CELF2: variants seen among roughly 807,000 people sequenced by gnomAD.
CELF2 encodes CUG triplet repeat RNA-binding protein 2.
Under a neutral mutation model 62.6 loss-of-function variants are expected in CELF2, and 8 were observed. That is an observed-to-expected ratio of 0.13 (90% confidence interval 0.07 to 0.23). The LOEUF is 0.23. Among genes scored for constraint, CELF2 ranks in the 10% least tolerant of loss-of-function variants. The pLI is 1.00. For synonymous variants in CELF2, 258 were observed against 250.0 expected, an observed-to-expected ratio of 1.03 and a Z score of -0.30; for missense variants, 333 against 671.0, an observed-to-expected ratio of 0.50 and a Z score of 5.56.
At chr10:11,138,762 G>A (rs939347828) in intron 1 of CELF2, among the ~76,000 whole-genome samples, 15 of 152,206 alleles carry the variant, frequency 9.9e-5, no homozygotes, top group African/African-American at 3.1e-4. Context: ...TCTCTCGTGT[G>A]TGTTAAACAG....
rs1407187984 is a variant in CELF2, at chr10:10,936,301, C to A, written c.89+16302C>A. On this transcript the variant is annotated intron_variant, in intron 2 of 13. Transcript: ENST00000636488. This position sits in a 1 kb window ranked among gnomAD's most constrained non-coding sequence, Gnocchi z 4.0. ...TTAACATAAAGATTGTCCAAGATCA[C>A]AGAGTAATCTGCATAATTGTGCAAA... is the stretch of plus-strand genomic sequence containing the variant. Among the ~76,000 whole-genome samples the A allele has an allele frequency of 1.3e-5, 2 of 152,202 alleles. No homozygotes were observed. The highest frequency in any genetic ancestry group is 2.9e-5 in the Non-Finnish European group (2 of 68,028).
the CELF2 span, among the ~76,000 whole-genome samples, chr10:10,467,083 A>ACAC: frequency 6.6e-6 from 1 of 152,072 alleles, no homozygotes; most frequent in Non-Finnish European, 1.5e-5. Context: ...CCAACATACC[A>ACAC]CAATATACCA....
At chr10:10,655,731 T>G in the CELF2 span, among the ~76,000 whole-genome samples, 1 of 131,340 alleles carries the variant, frequency 7.6e-6, no homozygotes, top group Non-Finnish European at 1.7e-5. Context: ...TCAAGATGGA[T>G]TAAAGACTTA....
chr10:11,196,049 T>C (rs1404951269), intron 2 of CELF2, among the ~76,000 whole-genome samples: 6 of 147,470 alleles, frequency 4.1e-5, no homozygotes, highest in Admixed American at 4.0e-4. Context: ...AAAAAAAAAC[T>C]GGTCCCTTGA....
the CELF2 span, among the ~76,000 whole-genome samples, chr10:10,534,830 C>G: frequency 6.6e-6 from 1 of 152,170 alleles, no homozygotes; most frequent in Non-Finnish European, 1.5e-5. Context: ...AGCTTAATCC[C>G]TTTCCCTAGT....
chr10:11,322,024 G>A (rs2095468438), intron 11 of CELF2, among the ~76,000 whole-genome samples: 1 of 152,184 alleles, frequency 6.6e-6, no homozygotes, highest in Non-Finnish European at 1.5e-5. Flanking sequence ...GCTGCTGACT[G>A]TAAATAATTC....
chr10:10,671,871 A>G, the CELF2 span, among the ~76,000 whole-genome samples: 2 of 152,036 alleles, frequency 1.3e-5, no homozygotes, highest in African/African-American at 4.8e-5. Context: ...CTGGGATTAC[A>G]GGCATACGCT....
At chr10:11,174,200 G>A (rs2070105670) in intron 2 of CELF2, among the ~76,000 whole-genome samples, 1 of 152,174 alleles carries the variant, frequency 6.6e-6, no homozygotes, top group Non-Finnish European at 1.5e-5. Context: ...AAAGGCATGT[G>A]TGAGCTGGTG....
At chr10:10,807,783 T>C (rs2055387596) in intron 1 of CELF2, among the ~76,000 whole-genome samples, 1 of 152,174 alleles carries the variant, frequency 6.6e-6, no homozygotes, top group Non-Finnish European at 1.5e-5. Flanking sequence ...GTCCAATATA[T>C]TAAATAATTA....
chr10:10,710,690 T>C, the CELF2 span, among the ~76,000 whole-genome samples: 1 of 152,142 alleles, frequency 6.6e-6, no homozygotes. Flanking sequence ...TCAGGAGCAG[T>C]AAGGGTCCCA....
intron 1 of CELF2, among the ~76,000 whole-genome samples, chr10:11,080,224 T>TA (rs1349185775): frequency 6.6e-6 from 1 of 152,216 alleles, no homozygotes; most frequent in African/African-American, 2.4e-5. Context: ...TGAGGTCATG[T>TA]AAAAGATCCA....
the CELF2 span, among the ~76,000 whole-genome samples, chr10:10,592,666 C>T: frequency 1.3e-5 from 2 of 152,098 alleles, no homozygotes; most frequent in Non-Finnish European, 2.9e-5. Flanking sequence ...ATTTGGGGAG[C>T]CTTTCCCTTA....
At chr10:10,653,601 C>T in the CELF2 span, among the ~76,000 whole-genome samples, 39,217 of 114,112 alleles carry the variant, frequency 0.34, 6,304 homozygotes, top group South Asian at 0.57. Flanking sequence ...ACTGAACAAC[C>T]TGCTCCTGAA....
chr10:11,114,394 T>G (rs1005628335), intron 1 of CELF2, among the ~76,000 whole-genome samples: 3 of 152,204 alleles, frequency 2.0e-5, no homozygotes, highest in Non-Finnish European at 2.9e-5. Flanking sequence ...TAGCAGTAAA[T>G]ACATAACATA....
rs574010906 is a variant in CELF2 at position 10,990,028 on chromosome 10, A to G, written c.89+70029A>G. Among the ~76,000 whole-genome samples, 1 of 152,292 alleles carries G rather than the reference A, an allele frequency of 6.6e-6. No homozygotes were observed. The highest frequency in any genetic ancestry group is 2.1e-4 in the South Asian group (1 of 4,826). On this transcript the variant is annotated intron_variant, in intron 2 of 13. Transcript: ENST00000636488. This position sits in a 1 kb window ranked among gnomAD's most constrained non-coding sequence, Gnocchi z 4.6. ...ATGTCCATTGCAAATCTGCAAAGCA[A>G]TTTAGTAATTTATGTTAAGATGTAA... is the stretch of plus-strand genomic sequence containing the variant.
chr10:11,124,731 C>G (rs1461174214), intron 1 of CELF2, among the ~76,000 whole-genome samples: 1 of 152,130 alleles, frequency 6.6e-6, no homozygotes, highest in African/African-American at 2.4e-5. Context: ...GTGCCTGATC[C>G]CATGGAGCTT....
the CELF2 span, among the ~76,000 whole-genome samples, chr10:10,572,146 G>A: frequency 6.6e-6 from 1 of 152,060 alleles, no homozygotes; most frequent in African/African-American, 2.4e-5. Flanking sequence ...CTGCACTGCA[G>A]AATGGTTCTT....
chr10:10,783,744 T>C, the CELF2 span, among the ~76,000 whole-genome samples: 1 of 152,120 alleles, frequency 6.6e-6, no homozygotes, highest in Non-Finnish European at 1.5e-5. Flanking sequence ...CCCAGCACTT[T>C]GGGAGGCCAA....
At chr10:11,127,027 C>T (rs781042205) in intron 1 of CELF2, among the ~76,000 whole-genome samples, 18 of 152,000 alleles carry the variant, frequency 1.2e-4, no homozygotes, top group Non-Finnish European at 2.6e-4. Flanking sequence ...GGTATTTCTC[C>T]TAATGCTATC....
Sources: allele counts gnomAD v4.1 joint callset (sites outside exome capture counted in the v4.1 genomes callset), GRCh38; gene constraint gnomAD v4.1.1; non-coding constraint Gnocchi (gnomAD v3.1); transcripts MANE v1.5; gene names NCBI Gene and HGNC (gene_info 2026-07-23, HGNC 2026-07-21).